DPP6: variants seen among roughly 807,000 people sequenced by gnomAD.
DPP6 encodes the protein dipeptidyl peptidase like 6.
DPP6 carries 69 observed loss-of-function variants against 122.6 expected under a neutral mutation model. The ratio of observed to expected loss-of-function variants is 0.56; its 90% CI spans 0.46 to 0.69. The LOEUF is 0.69. DPP6 is among the 30% of genes least tolerant of loss of function. DPP6 has a pLI of 0.00. For synonymous variants in DPP6, 418 were observed against 433.1 expected, an observed-to-expected ratio of 0.97 and a Z score of 0.43; for missense variants, 928 against 1,116.9, an observed-to-expected ratio of 0.83 and a Z score of 2.41.
At chr7:154,365,490 G>C (rs1812077580) in intron 1 of DPP6, among the ~76,000 whole-genome samples, 1 of 152,148 alleles carries the variant, frequency 6.6e-6, no homozygotes, top group African/African-American at 2.4e-5. Flanking sequence ...CTCTTCCTGT[G>C]AACCAGCTTG....
chr7:154,568,048 C>A (rs1830872680), intron 5 of DPP6, among the ~76,000 whole-genome samples: 1 of 152,114 alleles, frequency 6.6e-6, no homozygotes, highest in Non-Finnish European at 1.5e-5. Context: ...CATCCAAATT[C>A]TTTGAAACAA....
chr7:154,163,421 A>G (rs919835270), intron 1 of DPP6, among the ~76,000 whole-genome samples: 14 of 152,206 alleles, frequency 9.2e-5, no homozygotes, highest in Non-Finnish European at 1.8e-4. Flanking sequence ...TTATTTAAAA[A>G]TCATCCTTTA....
intron 1 of DPP6, among the ~76,000 whole-genome samples, chr7:154,032,694 A>C (rs1234315796): frequency 6.6e-6 from 1 of 152,198 alleles, no homozygotes; most frequent in Non-Finnish European, 1.5e-5. Context: ...GAAGATTCTG[A>C]CAAATGAAAT....
chr7:154,194,520 C>T (rs145535148), intron 1 of DPP6, among the ~76,000 whole-genome samples: 110 of 152,308 alleles, frequency 7.2e-4, no homozygotes, highest in Admixed American at 1.0e-3. Context: ...GTTTCCTCCA[C>T]GCCCTCTGTG....
chr7:154,323,560 T>TA (rs1808162884), intron 1 of DPP6, among the ~76,000 whole-genome samples: 1 of 152,232 alleles, frequency 6.6e-6, no homozygotes, highest in South Asian at 2.1e-4. Flanking sequence ...TTTGGTCCCC[T>TA]AACCATGAGG....
At chr7:154,570,662 G>A (rs552461006) in intron 5 of DPP6, among the ~76,000 whole-genome samples, 1 of 152,298 alleles carries the variant, frequency 6.6e-6, no homozygotes, top group East Asian at 1.9e-4. Context: ...GTGGGATCAT[G>A]CTAATTAGCA....
At chr7:154,779,476 C>T (rs1188429798) in intron 10 of DPP6, among the ~76,000 whole-genome samples, 1 of 152,196 alleles carries the variant, frequency 6.6e-6, no homozygotes, top group African/African-American at 2.4e-5. Flanking sequence ...TAACCTGTCA[C>T]ATTTACAATG....
intron 18 of DPP6, among the ~76,000 whole-genome samples, chr7:154,872,057 G>A (rs1328937794): frequency 1.3e-5 from 2 of 152,102 alleles, no homozygotes; most frequent in Admixed American, 6.5e-5. Context: ...CCTAGCTGTG[G>A]CTGCAGCATA....
At chr7:154,149,282 C>G (rs1273954017) in intron 1 of DPP6, among the ~76,000 whole-genome samples, 1 of 152,284 alleles carries the variant, frequency 6.6e-6, no homozygotes, top group Non-Finnish European at 1.5e-5. Context: ...TGCCCAAGCA[C>G]CTAGCGAAGC....
At chr7:154,889,185 T>C in intron 23 of DPP6, 87 bp from the exon 24 acceptor site, 2 of 1,529,492 alleles carry the variant, frequency 1.3e-6, no homozygotes, top group Non-Finnish European at 1.8e-6. Context: ...ACACTTCACC[T>C]ACCTTCTCAG....
At chr7:153,871,642 G>A in the DPP6 span, among the ~76,000 whole-genome samples, 3 of 152,166 alleles carry the variant, frequency 2.0e-5, no homozygotes, top group African/African-American at 4.8e-5. Context: ...TACGCACAGT[G>A]CGCTGCACCC....
intron 1 of DPP6, among the ~76,000 whole-genome samples, chr7:154,299,606 A>AT (rs1805769980): frequency 6.6e-6 from 1 of 152,122 alleles, no homozygotes; most frequent in Non-Finnish European, 1.5e-5. Flanking sequence ...ATTCATTTTT[A>AT]TTTTTAGGGG....
At chr7:154,473,875 G>A (rs991956844) in intron 2 of DPP6, among the ~76,000 whole-genome samples, 13 of 152,156 alleles carry the variant, frequency 8.5e-5, no homozygotes, top group African/African-American at 3.1e-4. Context: ...ATGCACCTCA[G>A]TTAGCACCAA....
intron 1 of DPP6, among the ~76,000 whole-genome samples, chr7:154,154,219 A>G (rs559028769): frequency 2.0e-5 from 3 of 152,366 alleles, no homozygotes; most frequent in East Asian, 3.9e-4. Flanking sequence ...GAAATATTCC[A>G]TACTTCGCTG....
intron 3 of DPP6, among the ~76,000 whole-genome samples, chr7:154,497,433 C>A (rs1824842832): frequency 6.6e-6 from 1 of 151,676 alleles, no homozygotes; most frequent in African/African-American, 2.4e-5. Flanking sequence ...CATGGTGAAA[C>A]CCCCATCTCT....
intron 1 of DPP6, among the ~76,000 whole-genome samples, chr7:154,344,819 C>T (rs1390327033): frequency 6.6e-5 from 10 of 152,174 alleles, no homozygotes; most frequent in Admixed American, 2.6e-4. Context: ...ACCCAGGAGG[C>T]GGAGGTTGCA....
chr7:154,750,001 C>T (rs914802545), intron 8 of DPP6, among the ~76,000 whole-genome samples: 4 of 142,422 alleles, frequency 2.8e-5, no homozygotes, highest in Admixed American at 6.9e-5. Flanking sequence ...GAGCATAGGA[C>T]GGGAAAGAGA....
At chr7:154,637,093 T>A (rs1160157157) in intron 5 of DPP6, among the ~76,000 whole-genome samples, 1 of 152,210 alleles carries the variant, frequency 6.6e-6, no homozygotes, top group Non-Finnish European at 1.5e-5. Context: ...ATCTTCTCCC[T>A]TCTTTTGGGT....
intron 4 of DPP6, among the ~76,000 whole-genome samples, chr7:154,558,526 T>C (rs80274968): frequency 0.01 from 1,569 of 152,330 alleles, 26 homozygotes; most frequent in African/African-American, 0.034. Context: ...TGTAGGACAT[T>C]GGTCCCCTAA....
Sources: allele counts gnomAD v4.1 joint callset (sites outside exome capture counted in the v4.1 genomes callset), GRCh38; gene constraint gnomAD v4.1.1; transcripts MANE v1.5; gene names NCBI Gene and HGNC (gene_info 2026-07-23, HGNC 2026-07-21).